Variants in RB1 observed in about 807,000 individuals in gnomAD.
The protein encoded by RB1 is RB transcriptional corepressor 1.
In RB1, 18 loss-of-function variants were observed where a neutral mutation model predicts 135.4. The observed-to-expected ratio is 0.13, with a 90% CI of 0.09 to 0.20. RB1 has a LOEUF of 0.20. RB1 is among the 10% of genes least tolerant of loss of function. The pLI is 1.00. For missense variants in RB1, 868 were observed against 1,110.0 expected (o/e 0.78, Z 3.10); for synonymous variants, 365 against 373.2 (o/e 0.98, Z 0.25).
intron 17 of RB1, among the ~76,000 whole-genome samples, chr13:48,450,096 T>A (rs2407090): frequency 0.033 from 3,467 of 105,362 alleles, 59 homozygotes; most frequent in African/African-American, 0.11. Context: ...ATATATATAT[T>A]TTTTTTTTTT....
At chr13:48,320,338 C>CG in intron 2 of RB1, 1 of 1,255,196 alleles carries the variant, frequency 8.0e-7, no homozygotes, top group Non-Finnish European at 1.2e-6. Flanking sequence ...CATCTGCACC[C>CG]GGGCGCTCAC....
chr13:48,419,673 A>G (rs1424631568), intron 17 of RB1, among the ~76,000 whole-genome samples: 1 of 152,218 alleles, frequency 6.6e-6, no homozygotes, highest in Admixed American at 6.5e-5. Context: ...GAGAAGAATC[A>G]AATAGACACA....
chr13:48,441,646 T>C (rs1949237773), intron 17 of RB1, among the ~76,000 whole-genome samples: 1 of 152,180 alleles, frequency 6.6e-6, no homozygotes, highest in Non-Finnish European at 1.5e-5. Context: ...AAGTGTTATT[T>C]ACTAGAAAAT....
At chr13:48,373,292 T>C (rs985649563) in intron 11 of RB1, 113 bp from the exon 12 acceptor site, 2 of 717,336 alleles carry the variant, frequency 2.8e-6, no homozygotes, top group African/African-American at 3.5e-5. Context: ...TAGAGACAAG[T>C]GGGAGGCAGT....
intron 17 of RB1, among the ~76,000 whole-genome samples, chr13:48,451,384 G>T (rs1232929177): frequency 3.9e-5 from 6 of 152,132 alleles, no homozygotes; most frequent in Admixed American, 3.9e-4. Flanking sequence ...TAATCATGTG[G>T]TTTTTGTCTT....
chr13:48,326,266 G>T (rs1021697554), intron 2 of RB1, among the ~76,000 whole-genome samples: 1 of 151,918 alleles, frequency 6.6e-6, no homozygotes, highest in African/African-American at 2.4e-5. Context: ...CCGTAAAAAT[G>T]CCTAATTTCT....
At chr13:48,464,428 G>A (rs539837660) in intron 21 of RB1, among the ~76,000 whole-genome samples, 2 of 152,152 alleles carry the variant, frequency 1.3e-5, no homozygotes, top group East Asian at 3.9e-4. Context: ...CATTTTAATT[G>A]TATATATCAG....
chr13:48,476,116 G>T (rs1949502774), intron 24 of RB1, among the ~76,000 whole-genome samples: 1 of 152,176 alleles, frequency 6.6e-6, no homozygotes. Flanking sequence ...GAATTCGCTA[G>T]TTTAATTTTT....
At chr13:48,375,734 A>T (rs963833768) in intron 12 of RB1, among the ~76,000 whole-genome samples, 9 of 151,744 alleles carry the variant, frequency 5.9e-5, no homozygotes, top group Admixed American at 4.6e-4. Flanking sequence ...GCCTGCTACC[A>T]TGTCCAGCTA....
chr13:48,378,027 C>A (rs1334846169), intron 13 of RB1, among the ~76,000 whole-genome samples: 11 of 152,148 alleles, frequency 7.2e-5, no homozygotes, highest in Non-Finnish European at 1.2e-4. Flanking sequence ...AAGGAGCTTA[C>A]AGGATTGAAA....
chr13:48,321,469 T>G (rs1209866202), intron 2 of RB1, among the ~76,000 whole-genome samples: 6 of 151,652 alleles, frequency 4.0e-5, no homozygotes, highest in Admixed American at 3.9e-4. Flanking sequence ...GATAAGGTGG[T>G]ATCTCATTAT....
chr13:48,477,243 C>A, intron 25 of RB1, 112 bp from the exon 26 acceptor site: 1 of 736,360 alleles, frequency 1.4e-6, no homozygotes, highest in South Asian at 1.7e-5. Context: ...TTAAAAGCTA[C>A]TCACTAAAAT....
intron 17 of RB1, among the ~76,000 whole-genome samples, chr13:48,383,818 T>C (rs534896178): frequency 1.3e-3 from 201 of 152,216 alleles, no homozygotes; most frequent in African/African-American, 4.4e-3. Flanking sequence ...AGAGTACTTT[T>C]TAAAGGCTTA....
chr13:48,404,098 G>A (rs1255461293), intron 17 of RB1: 1 of 152,200 alleles, frequency 6.6e-6, no homozygotes, highest in Non-Finnish European at 1.5e-5. Context: ...GCAGAGTTTA[G>A]GCTGAAGCCC....
At chr13:48,437,453 G>A (rs1413887876) in intron 17 of RB1, among the ~76,000 whole-genome samples, 1 of 152,172 alleles carries the variant, frequency 6.6e-6, no homozygotes, top group African/African-American at 2.4e-5. Flanking sequence ...AATTCTGAAA[G>A]TCGGGAAACT....
chr13:48,473,552 A>T (rs558763484), intron 24 of RB1, among the ~76,000 whole-genome samples, 162 bp downstream of exon 24: 2 of 152,258 alleles, frequency 1.3e-5, no homozygotes, highest in East Asian at 3.9e-4. Flanking sequence ...TTTACTTTCA[A>T]ATCAAGTTTA....
chr13:48,392,049 T>G (rs1230422944), intron 17 of RB1, among the ~76,000 whole-genome samples: 1 of 152,204 alleles, frequency 6.6e-6, no homozygotes, highest in Non-Finnish European at 1.5e-5. Context: ...GTTGACAGTC[T>G]TTTTGTTTTT....
At position 48,411,169 on chromosome 13, in the gene RB1, C is replaced by G. The variant is rs4151550; in HGVS notation, c.1695+29726C>G. On this transcript the variant is annotated intron_variant, in intron 17 of 26. Transcript: ENST00000267163. ...TAAGAGATTTTTTTTAATGAAGGAA[C>G]AAATCAAAATGGCTCAGAAAAATCA... 1,619 of 436,986 alleles carry G rather than the reference C, an allele frequency of 3.7e-3. 21 individuals are homozygous for G. Among genetic ancestry groups the G allele is most frequent in the African/African-American group, 0.03 (1,512 of 50,866 alleles). The allele number at this position is 436,986 out of a possible 1,614,324, so 27.1% of individuals were successfully genotyped here.
chr13:48,333,584 G>T (rs1952355891), intron 2 of RB1, among the ~76,000 whole-genome samples: 1 of 152,078 alleles, frequency 6.6e-6, no homozygotes, highest in Non-Finnish European at 1.5e-5. Context: ...TTGTGTGTGT[G>T]TATGTGTGTG....
Sources: allele counts gnomAD v4.1 joint callset (sites outside exome capture counted in the v4.1 genomes callset), GRCh38; gene constraint gnomAD v4.1.1; transcripts MANE v1.5; gene names NCBI Gene and HGNC (gene_info 2026-07-23, HGNC 2026-07-21).